NEMP2: variants seen among roughly 807,000 people sequenced by gnomAD.
The protein encoded by NEMP2 is nuclear envelope integral membrane protein 2.
NEMP2 carries 53 observed loss-of-function variants against 54.2 expected under a neutral mutation model. The observed-to-expected ratio is 0.98, with a 90% CI of 0.78 to 1.23. The LOEUF (loss-of-function observed/expected upper bound fraction) is 1.23, where lower values mean the gene tolerates loss of function less well. Among genes scored for constraint, NEMP2 ranks in the 50% most tolerant of loss-of-function variants. NEMP2 has a pLI of 0.00. For missense variants in NEMP2, 455 were observed against 511.3 expected (o/e 0.89, Z 1.06); for synonymous variants, 197 against 190.3 (o/e 1.04, Z -0.29).
the NEMP2 span, among the ~76,000 whole-genome samples, chr2:190,567,313 T>C: frequency 6.6e-6 from 1 of 151,862 alleles, no homozygotes; most frequent in Non-Finnish European, 1.5e-5. The surrounding 1 kb of genome is among the most constrained non-coding windows in gnomAD (Gnocchi z 4.0). Context: ...ATCCATCTAG[T>C]AGGAACAATA....
chr2:190,468,074 T>C, the NEMP2 span, among the ~76,000 whole-genome samples: 1 of 152,214 alleles, frequency 6.6e-6, no homozygotes, highest in African/African-American at 2.4e-5. Flanking sequence ...TGTGTTCATG[T>C]AGTATATTTT....
At chr2:190,488,085 TAG>T in the NEMP2 span, among the ~76,000 whole-genome samples, 1 of 152,148 alleles carries the variant, frequency 6.6e-6, no homozygotes, top group Middle Eastern at 3.2e-3. The surrounding 1 kb of genome is among the most constrained non-coding windows in gnomAD (Gnocchi z 6.4). Flanking sequence ...TGTATTTTAG[TAG>T]AGACAGGGTT....
At chr2:190,567,356 A>G in the NEMP2 span, among the ~76,000 whole-genome samples, 1 of 151,720 alleles carries the variant, frequency 6.6e-6, no homozygotes, top group Non-Finnish European at 1.5e-5. This position sits in a 1 kb window ranked among gnomAD's most constrained non-coding sequence, Gnocchi z 4.0. Context: ...AAGAGAAGAA[A>G]TGGAGGAAAA....
At chr2:190,488,193 G>C in the NEMP2 span, among the ~76,000 whole-genome samples, 1 of 152,140 alleles carries the variant, frequency 6.6e-6, no homozygotes, top group South Asian at 2.1e-4. This position sits in a 1 kb window ranked among gnomAD's most constrained non-coding sequence, Gnocchi z 6.4. Context: ...GAGCCACTGC[G>C]CCCAGCCACT....
In NEMP2 at chr2:190,507,964, C is replaced by T. The variant is rs1446412788; in HGVS notation, c.*1225G>A. On this transcript the variant is annotated 3_prime_UTR_variant, in exon 9 of 9. Coordinates refer to ENST00000409150, the MANE Select transcript of NEMP2 (RefSeq NM_001142645.2). The surrounding 1 kb of genome is among the most constrained non-coding windows in gnomAD (Gnocchi z 4.4). Reference sequence around the variant, plus strand: ...ACATCTTAACCCTGAGATTGTCTTGCCATGTTCAAATCTTTCCTCAGATCT... The same window carrying T: ...ACATCTTAACCCTGAGATTGTCTTGTCATGTTCAAATCTTTCCTCAGATCT... The T allele has an allele frequency of 6.6e-6, 1 of 152,146 alleles. No individual in the cohort carries two copies. The highest frequency in any genetic ancestry group is 2.4e-5 in the African/African-American group (1 of 41,420). The allele number at this position is 152,146 out of a possible 1,614,324, so 9.4% of individuals were successfully genotyped here.
chr2:190,567,835 G>A, the NEMP2 span, among the ~76,000 whole-genome samples: 1 of 152,194 alleles, frequency 6.6e-6, no homozygotes, highest in South Asian at 2.1e-4. This position sits in a 1 kb window ranked among gnomAD's most constrained non-coding sequence, Gnocchi z 4.0. Flanking sequence ...TTTTAGTAGA[G>A]ACAGGGTTTC....
At chr2:190,503,002 G>T (rs78877194), downstream of NEMP2, among the ~76,000 whole-genome samples, 1,652 of 152,290 alleles carry the variant, frequency 0.011, 16 homozygotes, top group Non-Finnish European at 0.016. This position sits in a 1 kb window ranked among gnomAD's most constrained non-coding sequence, Gnocchi z 6.3. Flanking sequence ...AGGCAGGGAG[G>T]CCATTCCCTG....
the NEMP2 span, among the ~76,000 whole-genome samples, chr2:190,611,874 A>G: frequency 6.6e-6 from 1 of 152,190 alleles, no homozygotes; most frequent in Non-Finnish European, 1.5e-5. The surrounding 1 kb of genome is among the most constrained non-coding windows in gnomAD (Gnocchi z 5.4). Context: ...ATTATGTACT[A>G]GGTGTGGAGC....
chr2:190,606,386 G>A, the NEMP2 span, among the ~76,000 whole-genome samples: 1 of 152,188 alleles, frequency 6.6e-6, no homozygotes, highest in Non-Finnish European at 1.5e-5. Context: ...AACATGAAAA[G>A]TATCGTATCT....
At chr2:190,602,981 A>C in the NEMP2 span, among the ~76,000 whole-genome samples, 1 of 152,304 alleles carries the variant, frequency 6.6e-6, no homozygotes, top group South Asian at 2.1e-4. Flanking sequence ...TGGTCACCAG[A>C]GACCATATGT....
the NEMP2 span, chr2:190,568,069 ACAGGAAGCTACTG>A: frequency 2.0e-5 from 3 of 152,254 alleles, no homozygotes; most frequent in Admixed American, 6.5e-5. The surrounding 1 kb of genome is among the most constrained non-coding windows in gnomAD (Gnocchi z 4.7). Flanking sequence ...GTATCCTTTT[ACAGGAAGCTACTG>A]CAGGATATAA....
chr2:190,630,731 G>A, the NEMP2 span, among the ~76,000 whole-genome samples: 1 of 152,070 alleles, frequency 6.6e-6, no homozygotes, highest in African/African-American at 2.4e-5. The surrounding 1 kb of genome is among the most constrained non-coding windows in gnomAD (Gnocchi z 5.5). Flanking sequence ...TCTTGAACCT[G>A]TTGGAGTTTA....
At chr2:190,534,502 C>T in intron 1 of NEMP2, 57 bp downstream of exon 1, 1 of 1,335,586 alleles carries the variant, frequency 7.5e-7, no homozygotes, top group Non-Finnish European at 9.5e-7. Flanking sequence ...TCAGGGCAGC[C>T]GCGAAGCCGG....
chr2:190,437,272 A>G, the NEMP2 span: 3 of 1,614,156 alleles, frequency 1.9e-6, no homozygotes, highest in Non-Finnish European at 2.5e-6. The surrounding 1 kb of genome is among the most constrained non-coding windows in gnomAD (Gnocchi z 5.9). Context: ...GGAAAGGAAC[A>G]ACTCTACAGA....
the NEMP2 span, among the ~76,000 whole-genome samples, chr2:190,579,149 A>G: frequency 2.6e-5 from 4 of 152,168 alleles, no homozygotes; most frequent in East Asian, 7.7e-4. Flanking sequence ...GTCCTTTTTG[A>G]TGGCCTTTGA....
chr2:190,534,789 C>T (rs1045684921), upstream of NEMP2: 1 of 611,912 alleles, frequency 1.6e-6, no homozygotes, highest in African/African-American at 1.9e-5. Context: ...GGAGACCCCG[C>T]CTCCCCGGGG....
chr2:190,436,505 G>C, the NEMP2 span: 1 of 1,614,206 alleles, frequency 6.2e-7, no homozygotes, highest in Non-Finnish European at 8.5e-7. This position sits in a 1 kb window ranked among gnomAD's most constrained non-coding sequence, Gnocchi z 5.3. Flanking sequence ...ACCTTGAGAT[G>C]TGTACCAAAG....
chr2:190,620,018 G>A, the NEMP2 span, among the ~76,000 whole-genome samples: 1 of 152,130 alleles, frequency 6.6e-6, no homozygotes, highest in South Asian at 2.1e-4. This position sits in a 1 kb window ranked among gnomAD's most constrained non-coding sequence, Gnocchi z 4.9. Flanking sequence ...TTCTTATTCT[G>A]TAAATCGATG....
At chr2:190,563,355 C>T in the NEMP2 span, among the ~76,000 whole-genome samples, 13 of 152,306 alleles carry the variant, frequency 8.5e-5, 1 homozygote, top group East Asian at 1.5e-3. This position sits in a 1 kb window ranked among gnomAD's most constrained non-coding sequence, Gnocchi z 4.3. Flanking sequence ...CTCTCCTTCA[C>T]GCAGGTAGAC....
Sources: gnomAD v4.1 joint callset for allele counts (sites outside exome capture counted in the v4.1 genomes callset) on GRCh38, gnomAD v4.1.1 for gene constraint, Gnocchi (gnomAD v3.1) non-coding constraint, MANE v1.5 for transcripts, NCBI Gene and HGNC (gene_info 2026-07-23, HGNC 2026-07-21) for gene names.